Variants in GRID2 observed in about 807,000 individuals in gnomAD.
The protein encoded by GRID2 is glutamate receptor ionotropic, delta-2.
Under a neutral mutation model 114.8 loss-of-function variants are expected in GRID2, and 33 were observed. The ratio of observed to expected loss-of-function variants is 0.29; its 90% CI spans 0.22 to 0.38. GRID2 has a LOEUF of 0.38. GRID2 is among the 10% of genes least tolerant of loss of function. GRID2 has a pLI of 1.00. For missense variants in GRID2, 1,184 were observed against 1,257.7 expected, an observed-to-expected ratio of 0.94 and a Z score of 0.89; for synonymous variants, 505 against 449.9, an observed-to-expected ratio of 1.12 and a Z score of -1.55.
intron 14 of GRID2, among the ~76,000 whole-genome samples, chr4:93,762,419 A>G (rs936761665): frequency 5.9e-5 from 9 of 152,156 alleles, no homozygotes; most frequent in African/African-American, 2.2e-4. Context: ...CAATACTTCC[A>G]AATTGAAGAA....
chr4:92,307,495 T>C (rs1725469784), intron 1 of GRID2, among the ~76,000 whole-genome samples: 1 of 152,204 alleles, frequency 6.6e-6, no homozygotes, highest in African/African-American at 2.4e-5. Flanking sequence ...AACCAACTTA[T>C]ATATACATGA....
chr4:92,455,852 T>C (rs1225533983), intron 1 of GRID2, among the ~76,000 whole-genome samples: 1 of 152,192 alleles, frequency 6.6e-6, no homozygotes, highest in Non-Finnish European at 1.5e-5. Flanking sequence ...AATTGTATGA[T>C]CTTATTGCTG....
intron 1 of GRID2, among the ~76,000 whole-genome samples, chr4:93,795,572 T>G (rs1023626379): frequency 2.5e-4 from 38 of 152,186 alleles, no homozygotes; most frequent in African/African-American, 8.9e-4. Context: ...CATTTCAAAT[T>G]TACCTTTATT....
chr4:93,354,782 A>C (rs1025818695), intron 8 of GRID2, among the ~76,000 whole-genome samples: 2 of 137,380 alleles, frequency 1.5e-5, no homozygotes, highest in African/African-American at 2.8e-5. Context: ...TAATATTTAT[A>C]TATGAAGATT....
chr4:92,620,465 G>A (rs747996250), intron 2 of GRID2, among the ~76,000 whole-genome samples: 2 of 151,586 alleles, frequency 1.3e-5, no homozygotes, highest in East Asian at 3.9e-4. Context: ...TATATATCTG[G>A]GACCAGTAAA....
intron 11 of GRID2, among the ~76,000 whole-genome samples, chr4:93,472,514 A>G (rs1306081446): frequency 6.6e-6 from 1 of 152,232 alleles, no homozygotes. Flanking sequence ...AATGTGGTGG[A>G]TATTCTCCGT....
At chr4:92,918,982 G>A (rs1323973775) in intron 2 of GRID2, among the ~76,000 whole-genome samples, 1 of 152,060 alleles carries the variant, frequency 6.6e-6, no homozygotes, top group Non-Finnish European at 1.5e-5. Flanking sequence ...CTCTGGTCCT[G>A]GACTTTTTTT....
At chr4:93,273,947 C>G (rs1182498292) in intron 8 of GRID2, among the ~76,000 whole-genome samples, 1 of 152,142 alleles carries the variant, frequency 6.6e-6, no homozygotes, top group African/African-American at 2.4e-5. Flanking sequence ...ATTTGGGACT[C>G]ACTTAGTATT....
intron 2 of GRID2, among the ~76,000 whole-genome samples, chr4:92,624,320 C>T (rs1295530701): frequency 6.6e-6 from 1 of 151,776 alleles, no homozygotes; most frequent in East Asian, 1.9e-4. Context: ...CTCACAACAA[C>T]ATGCTATGAG....
At chr4:93,510,253 C>A (rs919716773) in intron 12 of GRID2, among the ~76,000 whole-genome samples, 1 of 151,944 alleles carries the variant, frequency 6.6e-6, no homozygotes, top group African/African-American at 2.4e-5. Context: ...AGCTGTCAGG[C>A]CACTCTTGTC....
At chr4:93,614,854 T>A (rs1035018977) in intron 13 of GRID2, among the ~76,000 whole-genome samples, 6 of 152,210 alleles carry the variant, frequency 3.9e-5, no homozygotes, top group African/African-American at 1.4e-4. Context: ...ATATTAACTG[T>A]ATTAAATAAC....
chr4:92,748,828 A>T lies in GRID2; in HGVS notation c.244+158542A>T, dbSNP rs563890905. Among the ~76,000 whole-genome samples, 380 of 149,326 alleles carry T rather than the reference A, an allele frequency of 2.5e-3. 2 individuals are homozygous for T. The highest frequency in any genetic ancestry group is 8.8e-3 in the African/African-American group (357 of 40,492). The stretch of plus-strand genomic sequence containing the variant: ...AGGCACACACCACCAAGCCCTGCTA[A>T]TTTTTTTGTATTTTTACTAAAGAAG... On this transcript the variant is annotated intron_variant, in intron 2 of 15. Coordinates refer to ENST00000282020, the MANE Select transcript of GRID2 (RefSeq NM_001510.4).
At chr4:93,732,581 A>AT (rs754132322) in intron 14 of GRID2, among the ~76,000 whole-genome samples, 5 of 151,860 alleles carry the variant, frequency 3.3e-5, no homozygotes, top group Non-Finnish European at 5.9e-5. Context: ...TTATTGTTGA[A>AT]TTTTTTTTAA....
chr4:92,587,587 G>T (rs981906553), intron 1 of GRID2, among the ~76,000 whole-genome samples: 2 of 152,090 alleles, frequency 1.3e-5, no homozygotes, highest in African/African-American at 4.8e-5. Flanking sequence ...AAATAACTGG[G>T]ATTTGAAATG....
intron 2 of GRID2, among the ~76,000 whole-genome samples, chr4:93,010,136 GTTTA>G (rs1371934009): frequency 6.6e-6 from 1 of 151,828 alleles, no homozygotes; most frequent in Non-Finnish European, 1.5e-5. Context: ...ATTCACTTTG[GTTTA>G]TTTGACAGTA....
intron 2 of GRID2, among the ~76,000 whole-genome samples, chr4:93,018,254 C>T (rs1456495747): frequency 6.8e-6 from 1 of 147,570 alleles, no homozygotes; most frequent in Admixed American, 6.8e-5. Context: ...AAGGAAGTTT[C>T]AGTTACTCAG....
chr4:92,626,514 C>T (rs889912795), intron 2 of GRID2, among the ~76,000 whole-genome samples: 29 of 151,880 alleles, frequency 1.9e-4, no homozygotes, highest in African/African-American at 6.8e-4. Context: ...TCAGCCTTGA[C>T]TTTAGATGGA....
intron 10 of GRID2, among the ~76,000 whole-genome samples, chr4:93,424,817 T>A (rs1768679968): frequency 6.6e-6 from 1 of 152,180 alleles, no homozygotes; most frequent in Non-Finnish European, 1.5e-5. Flanking sequence ...GATCACTTAA[T>A]GTTGTCTCCT....
intron 2 of GRID2, among the ~76,000 whole-genome samples, chr4:92,618,193 A>G (rs1307499671): frequency 1.3e-5 from 2 of 151,688 alleles, no homozygotes; most frequent in Non-Finnish European, 2.9e-5. Flanking sequence ...CATAGTGTGA[A>G]AGGTGGAGGA....
Sources: allele counts gnomAD v4.1 joint callset (sites outside exome capture counted in the v4.1 genomes callset), GRCh38; gene constraint gnomAD v4.1.1; transcripts MANE v1.5; gene names NCBI Gene and HGNC (gene_info 2026-07-23, HGNC 2026-07-21).